The following HMGCLL1 variants were observed in gnomAD, a reference collection of about 807,000 sequenced individuals.
HMGCLL1 encodes 3-hydroxymethyl-3-methylglutaryl-CoA lyase, cytoplasmic.
HMGCLL1 carries 36 observed loss-of-function variants against 39.1 expected under a neutral mutation model. That is an observed-to-expected ratio of 0.92 (90% CI 0.71 to 1.22). HMGCLL1 has a LOEUF of 1.22. Ranked by LOEUF, HMGCLL1 falls within the 50% of genes most tolerant of loss-of-function variation. The pLI is 0.00. For missense variants in HMGCLL1, 451 were observed against 416.5 expected (o/e 1.08, Z -0.72); for synonymous variants, 149 against 144.0 (o/e 1.03, Z -0.25).
At chr6:55,565,181 T>A (rs1174435509) in intron 1 of HMGCLL1, among the ~76,000 whole-genome samples, 1 of 152,022 alleles carries the variant, frequency 6.6e-6, no homozygotes, top group Non-Finnish European at 1.5e-5. Flanking sequence ...TGGTACCTAG[T>A]GTAAGTTAAA....
chr6:55,576,795 C>T (rs1310181089), intron 1 of HMGCLL1, among the ~76,000 whole-genome samples: 1 of 152,122 alleles, frequency 6.6e-6, no homozygotes, highest in Admixed American at 6.5e-5. Flanking sequence ...ATAAATTATA[C>T]TGGCATTCCC....
chr6:55,439,229 G>A (rs535408309), intron 8 of HMGCLL1, among the ~76,000 whole-genome samples: 11 of 152,180 alleles, frequency 7.2e-5, no homozygotes, highest in African/African-American at 2.6e-4. Flanking sequence ...TGAAATGGTA[G>A]CATTATTGGT....
intron 1 of HMGCLL1, among the ~76,000 whole-genome samples, chr6:55,572,679 G>A (rs1334971124): frequency 6.6e-6 from 1 of 152,092 alleles, no homozygotes; most frequent in Non-Finnish European, 1.5e-5. Flanking sequence ...ACAAGTTCAA[G>A]TAGTATGGTA....
At chr6:55,578,703 A>T (rs942677915) in intron 1 of HMGCLL1, among the ~76,000 whole-genome samples, 3 of 152,240 alleles carry the variant, frequency 2.0e-5, no homozygotes, top group Non-Finnish European at 2.9e-5. Flanking sequence ...TTAGGCGACC[A>T]GCAAATGGTC....
chr6:55,547,009 C>T (rs977261100), intron 1 of HMGCLL1, among the ~76,000 whole-genome samples: 1 of 151,896 alleles, frequency 6.6e-6, no homozygotes, highest in African/African-American at 2.4e-5. Context: ...CTTTACTTTT[C>T]CAAAGAACTT....
chr6:55,516,491 A>C lies in HMGCLL1; in HGVS notation c.393+17T>G. On this transcript the variant is annotated intron_variant, in intron 4 of 8. Coordinates refer to ENST00000274901, the MANE Select transcript of HMGCLL1 (RefSeq NM_001042406.2). ...TAAGAGGCCTATCAATTTTAGAGATATTAGTAGCACACTTACAGCATGGTG... is the reference window on the plus strand; with the variant it reads ...TAAGAGGCCTATCAATTTTAGAGATCTTAGTAGCACACTTACAGCATGGTG... 1 of 1,525,382 alleles carries C rather than the reference A, an allele frequency of 6.6e-7. No homozygotes were observed. 94.5% of individuals were successfully genotyped at this position (1,525,382 alleles called of 1,614,324 possible). A position where few individuals can be genotyped will look rare whatever the true frequency, so the allele number is the denominator to read the frequency against.
At chr6:55,542,008 C>T (rs1769466825) in intron 2 of HMGCLL1, 52 bp downstream of exon 2, 7 of 1,215,832 alleles carry the variant, frequency 5.8e-6, no homozygotes, top group Non-Finnish European at 8.4e-6. Context: ...TCTTTACAAT[C>T]TTAAATTTAT....
chr6:55,570,445 T>C (rs757426396), intron 1 of HMGCLL1, among the ~76,000 whole-genome samples: 2 of 152,192 alleles, frequency 1.3e-5, no homozygotes, highest in African/African-American at 4.8e-5. Flanking sequence ...TTAATTTCCA[T>C]TACTTCTTGA....
the HMGCLL1 span, among the ~76,000 whole-genome samples, chr6:55,676,707 A>T: frequency 1.3e-5 from 2 of 152,252 alleles, no homozygotes; most frequent in Non-Finnish European, 2.9e-5. Flanking sequence ...TGAAACAAAC[A>T]CTGCAATAAA....
chr6:55,460,782 T>C (rs4302669), intron 7 of HMGCLL1, among the ~76,000 whole-genome samples: 85,361 of 151,798 alleles, frequency 0.56, 25,617 homozygotes, highest in African/African-American at 0.79. Context: ...TCTGTTGTTA[T>C]TTGAGCTCTG....
the HMGCLL1 span, among the ~76,000 whole-genome samples, chr6:55,593,385 C>A: frequency 6.6e-6 from 1 of 152,080 alleles, no homozygotes; most frequent in Non-Finnish European, 1.5e-5. Flanking sequence ...AACATCATTT[C>A]CTTTTAACCT....
intron 3 of HMGCLL1, among the ~76,000 whole-genome samples, chr6:55,523,699 C>A (rs9791303): frequency 0.57 from 87,115 of 151,632 alleles, 25,361 homozygotes; most frequent in Admixed American, 0.64. Context: ...TATTACAACT[C>A]ACTGTAGAGT....
chr6:55,606,945 G>T, the HMGCLL1 span, among the ~76,000 whole-genome samples: 6 of 152,076 alleles, frequency 3.9e-5, no homozygotes, highest in African/African-American at 1.4e-4. Context: ...ATTTGAAGAT[G>T]CTATGTTTGC....
chr6:55,599,484 G>A, the HMGCLL1 span, among the ~76,000 whole-genome samples: 1 of 152,052 alleles, frequency 6.6e-6, no homozygotes, highest in Non-Finnish European at 1.5e-5. Flanking sequence ...CTTCCATATT[G>A]GATATTTTCA....
chr6:55,499,323 A>C (rs1265655182), intron 5 of HMGCLL1, 24 bp from the exon 6 acceptor site: 1 of 1,536,998 alleles, frequency 6.5e-7, no homozygotes, highest in Non-Finnish European at 8.9e-7. Context: ...ACAGCCTTAT[A>C]AATATGCATA....
At chr6:55,460,117 G>A (rs1764492544) in intron 7 of HMGCLL1, among the ~76,000 whole-genome samples, 1 of 151,734 alleles carries the variant, frequency 6.6e-6, no homozygotes, top group South Asian at 2.1e-4. Context: ...ATATATCAAG[G>A]GTTTTGAACC....
Position 55,579,071 on chromosome 6 carries a change from G to A in HMGCLL1, c.-16C>T. 1.3e-6 allele frequency: 2 copies of A among 1,579,682 alleles called. No homozygotes were observed. The highest frequency in any genetic ancestry group is 1.7e-5 in the Admixed American group (1 of 59,086). On this transcript the variant is annotated 5_prime_UTR_variant, in exon 1 of 9. Transcript: ENST00000274901. ...CATTCCCCATGGCGGAGCCTGGGGC[G>A]GCAGTCGGCGAGGGGAGGGAGACTG...
chr6:55,567,437 T>C (rs1227035167), intron 1 of HMGCLL1, among the ~76,000 whole-genome samples: 1 of 152,140 alleles, frequency 6.6e-6, no homozygotes, highest in African/African-American at 2.4e-5. Context: ...GATTTTGCTC[T>C]GTCAATTCCA....
intron 1 of HMGCLL1, among the ~76,000 whole-genome samples, chr6:55,544,067 C>G (rs759636906): frequency 9.9e-5 from 15 of 151,996 alleles, no homozygotes; most frequent in Non-Finnish European, 2.2e-4. Flanking sequence ...ACCTAAGTGT[C>G]GCTCCCTGAA....
Sources: gnomAD v4.1 joint callset for allele counts (sites outside exome capture counted in the v4.1 genomes callset) on GRCh38, gnomAD v4.1.1 for gene constraint, MANE v1.5 for transcripts, NCBI Gene and HGNC (gene_info 2026-07-23, HGNC 2026-07-21) for gene names.